C2orf92: variants seen among roughly 807,000 people sequenced by gnomAD.
C2orf92 encodes the protein chromosome 2 open reading frame 92, also known as uncharacterized protein C2orf92.
intron 3 of C2orf92, among the ~76,000 whole-genome samples, chr2:97,681,726 C>T (rs555823540): frequency 1.5e-4 from 23 of 151,926 alleles, no homozygotes; most frequent in Non-Finnish European, 2.9e-4. Context: ...GGCGTGGTGG[C>T]GGGCGCCTGT....
chr2:97,700,149 T>C (rs1422910102), intron 6 of C2orf92, among the ~76,000 whole-genome samples: 8 of 152,036 alleles, frequency 5.3e-5, no homozygotes, highest in Non-Finnish European at 1.2e-4. Context: ...CTCCTTCCTT[T>C]GAGATCTAGC....
intron 5 of C2orf92, among the ~76,000 whole-genome samples, chr2:97,691,480 C>T (rs562073525): frequency 1.3e-5 from 2 of 152,272 alleles, no homozygotes; most frequent in African/African-American, 4.8e-5. Context: ...GCTATCTGAT[C>T]ATGCTGGAGG....
Position 97,701,343 on chromosome 2 carries a change from C to T in C2orf92, c.665+39C>T, listed in dbSNP as rs1255820575. 9.8e-5 allele frequency: 39 copies of T among 398,166 alleles called. No individual in the cohort carries two copies. In the East Asian group the frequency reaches 1.2e-3, roughly 12 times the overall value. 24.7% of individuals were successfully genotyped at this position (398,166 alleles called of 1,614,324 possible). A position where few individuals can be genotyped will look rare whatever the true frequency, so the allele number is the denominator to read the frequency against. On this transcript the variant is annotated intron_variant, in intron 7 of 7. Transcript: ENST00000627399. Reference sequence around the variant, plus strand: ...GCATAACCTTCCTTCCAAGAACCCGCGGGTGTTAGAACTCACGCTGCCCTC... The same window carrying T: ...GCATAACCTTCCTTCCAAGAACCCGTGGGTGTTAGAACTCACGCTGCCCTC...
intron 3 of C2orf92, among the ~76,000 whole-genome samples, chr2:97,685,989 A>G (rs1675948041): frequency 6.6e-6 from 1 of 152,252 alleles, no homozygotes; most frequent in Non-Finnish European, 1.5e-5. Flanking sequence ...TTGTGCTGTT[A>G]TAACAGAATA....
chr2:97,677,070 G>C (rs976625820), intron 3 of C2orf92, among the ~76,000 whole-genome samples: 26 of 152,208 alleles, frequency 1.7e-4, no homozygotes, highest in Non-Finnish European at 2.8e-4. Flanking sequence ...GTCCAAGAGT[G>C]AGCTTGATGA....
At chr2:97,689,945 A>G (rs1042612924) in intron 4 of C2orf92, among the ~76,000 whole-genome samples, 2 of 152,140 alleles carry the variant, frequency 1.3e-5, no homozygotes, top group East Asian at 1.9e-4. Context: ...CCTGACCAAC[A>G]TGGCGAAACC....
intron 3 of C2orf92, among the ~76,000 whole-genome samples, chr2:97,684,793 A>C (rs1675898062): frequency 6.6e-6 from 1 of 152,256 alleles, no homozygotes. Flanking sequence ...AAAAATGGGC[A>C]AATAACTTGA....
upstream of C2orf92, chr2:97,665,691 G>GAC (rs1316132675): frequency 1.8e-4 from 12 of 66,910 alleles, no homozygotes; most frequent in African/African-American, 1.3e-4. Context: ...ATCAAAGCAT[G>GAC]ACTCTCTCTC....
rs958191034 is a variant in C2orf92 at position 97,688,939 on chromosome 2, T to C, written c.277T>C (p.Ser93Pro). 6.8e-5 allele frequency: 27 copies of C among 398,464 alleles called. No individual in the cohort carries two copies. The highest frequency in any genetic ancestry group is 7.1e-5 in the Non-Finnish European group (16 of 226,068). 24.7% of individuals were successfully genotyped at this position (398,464 alleles called of 1,614,324 possible). A position where few individuals can be genotyped will look rare whatever the true frequency, so the allele number is the denominator to read the frequency against. The part of the protein sequence containing the change: ...QVFPKFPYDP[S>P]FNEATAVRSI... ...GTTTCCAAAGTTTCCGTATGACCCA[T>C]CATTTAACGAAGCAACAGCAGTCAG... Residue 93 changes from serine to proline, a missense_variant, in exon 4 of 8, where the codon TCA becomes CCA. Ser to Pro is a moderately conservative substitution (Grantham distance 74). Transcript: ENST00000627399.
intron 5 of C2orf92, among the ~76,000 whole-genome samples, chr2:97,694,910 T>C (rs1002846280): frequency 1.1e-4 from 16 of 152,198 alleles, no homozygotes; most frequent in African/African-American, 3.9e-4. Context: ...TTAGTGATGT[T>C]GAGCATCTTT....
chr2:97,665,531 C>T (rs1675177126), upstream of C2orf92, among the ~76,000 whole-genome samples: 1 of 152,026 alleles, frequency 6.6e-6, no homozygotes, highest in African/African-American at 2.4e-5. Context: ...AGGGGGAACA[C>T]ACCCTCTTTA....
intron 5 of C2orf92, among the ~76,000 whole-genome samples, chr2:97,695,035 T>G (rs982512201): frequency 6.6e-6 from 1 of 152,250 alleles, no homozygotes; most frequent in Non-Finnish European, 1.5e-5. Flanking sequence ...TCAGGAGTTC[T>G]CTCTATAGTC....
intron 4 of C2orf92, among the ~76,000 whole-genome samples, chr2:97,689,335 C>T (rs565443606): frequency 1.3e-5 from 2 of 152,330 alleles, no homozygotes; most frequent in South Asian, 4.1e-4. Flanking sequence ...AGCATCCTAA[C>T]TTTCAACCCA....
At chr2:97,694,802 A>C (rs12991969) in intron 5 of C2orf92, among the ~76,000 whole-genome samples, 104,672 of 151,902 alleles carry the variant, frequency 0.69, 37,053 homozygotes, top group Non-Finnish European at 0.73. Context: ...TTCTGAGGAA[A>C]CGCCATGCTG....
intron 5 of C2orf92, 68 bp downstream of exon 5, chr2:97,690,395 T>C (rs1676089569): frequency 2.5e-6 from 1 of 393,514 alleles, no homozygotes; most frequent in African/African-American, 2.1e-5. Flanking sequence ...TCTTTTTTTT[T>C]TTTGAGACGG....
chr2:97,694,783 G>A (rs918978091), intron 5 of C2orf92, among the ~76,000 whole-genome samples: 1 of 152,050 alleles, frequency 6.6e-6, no homozygotes, highest in African/African-American at 2.4e-5. Flanking sequence ...TATGATTTTG[G>A]TTTTAATTTT....
intron 5 of C2orf92, among the ~76,000 whole-genome samples, chr2:97,691,627 G>C (rs1676140423): frequency 6.6e-6 from 1 of 152,204 alleles, no homozygotes; most frequent in South Asian, 2.1e-4. Context: ...GGTCTTTCCT[G>C]GGTGCAGGAT....
chr2:97,691,351 G>A (rs922986682), intron 5 of C2orf92, among the ~76,000 whole-genome samples: 1 of 152,186 alleles, frequency 6.6e-6, no homozygotes, highest in Non-Finnish European at 1.5e-5. Flanking sequence ...CCCCGCTGGG[G>A]TGGTGGGGCT....
chr2:97,678,543 G>C (rs1246826559), intron 3 of C2orf92, among the ~76,000 whole-genome samples: 1 of 152,082 alleles, frequency 6.6e-6, no homozygotes, highest in Non-Finnish European at 1.5e-5. Flanking sequence ...GACACAAAGA[G>C]AATCTTGAAA....
Sources: gnomAD v4.1 joint callset for allele counts (sites outside exome capture counted in the v4.1 genomes callset) on GRCh38, gnomAD v4.1.1 for gene constraint, MANE v1.5 for transcripts, NCBI Gene and HGNC (gene_info 2026-07-23, HGNC 2026-07-21) for gene names.